LTBP1: variants seen among roughly 807,000 people sequenced by gnomAD.
LTBP1 encodes the protein latent transforming growth factor beta binding protein 1.
Under a neutral mutation model 207.6 loss-of-function variants are expected in LTBP1, and 129 were observed. The ratio of observed to expected loss-of-function variants is 0.62; its 90% CI spans 0.54 to 0.72. The LOEUF is 0.72. Ranked by LOEUF, LTBP1 falls within the 30% of genes least tolerant of loss-of-function variation. The pLI, the probability that LTBP1 is intolerant of heterozygous loss-of-function variation, is 0.00. For missense variants in LTBP1, 2,281 were observed against 2,217.2 expected, an observed-to-expected ratio of 1.03 and a Z score of -0.58; for synonymous variants, 963 against 833.7, an observed-to-expected ratio of 1.16 and a Z score of -2.67.
intron 3 of LTBP1, among the ~76,000 whole-genome samples, chr2:33,036,868 T>C (rs1437952106): frequency 6.6e-6 from 1 of 152,194 alleles, no homozygotes; most frequent in East Asian, 1.9e-4. Context: ...TAGGTGTTGT[T>C]TCATGAAACT....
chr2:33,316,830 C>G (rs1559000682), intron 24 of LTBP1, among the ~76,000 whole-genome samples: 1 of 152,140 alleles, frequency 6.6e-6, no homozygotes, highest in Non-Finnish European at 1.5e-5. Flanking sequence ...ACTGAGGAAA[C>G]AGATTTGCAG....
chr2:33,256,844 A>T (rs1384370812), intron 11 of LTBP1, among the ~76,000 whole-genome samples: 1 of 140,510 alleles, frequency 7.1e-6, no homozygotes, highest in Non-Finnish European at 1.5e-5. Flanking sequence ...GAATCTGTGG[A>T]TGCAGAACTG....
At chr2:33,254,343 G>T (rs2092767862) in intron 11 of LTBP1, among the ~76,000 whole-genome samples, 1 of 151,868 alleles carries the variant, frequency 6.6e-6, no homozygotes, top group Admixed American at 6.6e-5. Flanking sequence ...TTTAAGTTCA[G>T]GGGTAAAAGT....
chr2:33,030,821 TTGAA>T (rs1262358024), intron 3 of LTBP1, among the ~76,000 whole-genome samples: 1 of 152,188 alleles, frequency 6.6e-6, no homozygotes, highest in African/African-American at 2.4e-5. Context: ...CTTAGTGGCT[TTGAA>T]TGGTCTTATG....
intron 20 of LTBP1, among the ~76,000 whole-genome samples, chr2:33,298,860 T>G (rs529922032): frequency 5.3e-4 from 80 of 152,230 alleles, no homozygotes; most frequent in Non-Finnish European, 6.6e-4. Context: ...TACTTTGAGC[T>G]ATTTCAGGAA....
chr2:33,315,381 C>T, intron 24 of LTBP1, 112 bp downstream of exon 24: 1 of 1,350,088 alleles, frequency 7.4e-7, no homozygotes, highest in South Asian at 1.3e-5. Flanking sequence ...TTCAGAGCCT[C>T]AAAGCATGTA....
chr2:33,124,602 A>G (rs547178380), intron 4 of LTBP1, among the ~76,000 whole-genome samples: 7 of 152,300 alleles, frequency 4.6e-5, no homozygotes, highest in African/African-American at 1.7e-4. Context: ...TATGATCTGA[A>G]AGCAAACATC....
intron 20 of LTBP1, among the ~76,000 whole-genome samples, chr2:33,295,178 A>G (rs1300123311): frequency 6.6e-6 from 1 of 151,908 alleles, no homozygotes; most frequent in Admixed American, 6.6e-5. Context: ...CATTAATATC[A>G]TTTCTCATTT....
intron 3 of LTBP1, among the ~76,000 whole-genome samples, chr2:33,059,889 T>C (rs1646060316): frequency 6.6e-6 from 1 of 152,230 alleles, no homozygotes; most frequent in Non-Finnish European, 1.5e-5. Flanking sequence ...TTCTAGACTT[T>C]AGATACATCT....
At chr2:33,021,236 G>T in intron 3 of LTBP1, 30 bp downstream of exon 3, 1 of 1,545,648 alleles carries the variant, frequency 6.5e-7, no homozygotes, top group Non-Finnish European at 8.8e-7. Context: ...ATTTAGCTAA[G>T]GATCATCTTA....
intron 3 of LTBP1, among the ~76,000 whole-genome samples, chr2:33,101,093 T>A (rs1237439565): frequency 6.6e-6 from 1 of 152,188 alleles, no homozygotes; most frequent in East Asian, 1.9e-4. Context: ...TAATAGCTTT[T>A]TGAAGAGCTG....
In LTBP1 at chr2:33,309,470, A is replaced by G. The variant is rs1187842661; in HGVS notation, c.3518A>G (p.Gln1173Arg). ...NECLEDKSVCQRGDCINTAGS... is the reference protein window; with the variant it reads ...NECLEDKSVCRRGDCINTAGS... ...TGCTTGGAGGACAAGAGTGTTTGCC[A>G]GAGAGGAGACTGCATTAATACTGCA... The change falls in exon 23 of 34, where the codon CAG becomes CGG. Residue 1173 changes from glutamine to arginine, a missense_variant. By Grantham distance (43) the Gln-to-Arg change is conservative (BLOSUM62 1). Around this residue, in one of 3 missense-constraint regions of LTBP1, gnomAD observed 1,671 missense variants for 1,634.8 expected, o/e 1.02. Coordinates refer to ENST00000404816, the MANE Select transcript of LTBP1 (RefSeq NM_206943.4). The G allele has an allele frequency of 1.2e-6, 2 of 1,610,034 alleles. No homozygotes were observed.
intron 5 of LTBP1, among the ~76,000 whole-genome samples, chr2:33,135,784 G>T (rs573810932): frequency 4.6e-5 from 7 of 152,198 alleles, no homozygotes; most frequent in Non-Finnish European, 8.8e-5. Flanking sequence ...TTTTGTCGCA[G>T]AAAAATGTCT....
At chr2:33,272,051 A>G (rs1573543275) in intron 15 of LTBP1, among the ~76,000 whole-genome samples, 1 of 152,232 alleles carries the variant, frequency 6.6e-6, no homozygotes, top group African/African-American at 2.4e-5. Flanking sequence ...CATTTCTCAT[A>G]CATCCAGGTG....
At chr2:33,095,513 A>T (rs1005152199) in intron 3 of LTBP1, among the ~76,000 whole-genome samples, 2 of 151,988 alleles carry the variant, frequency 1.3e-5, no homozygotes, top group African/African-American at 2.4e-5. Context: ...AGAGTAAGAT[A>T]GAGAGTCTCC....
At chr2:33,338,351 T>C (rs1235842716) in intron 24 of LTBP1, among the ~76,000 whole-genome samples, 2 of 152,138 alleles carry the variant, frequency 1.3e-5, no homozygotes, top group Non-Finnish European at 2.9e-5. Flanking sequence ...TAACGAGAAA[T>C]CATCATCTGC....
intron 5 of LTBP1, among the ~76,000 whole-genome samples, chr2:33,174,611 C>T (rs2085819240): frequency 6.6e-6 from 1 of 152,072 alleles, no homozygotes; most frequent in African/African-American, 2.4e-5. Flanking sequence ...AATGCCATCC[C>T]CATCAAGCTA....
intron 20 of LTBP1, among the ~76,000 whole-genome samples, chr2:33,295,324 C>T (rs181951487): frequency 4.6e-5 from 7 of 152,074 alleles, no homozygotes; most frequent in African/African-American, 1.7e-4. Context: ...GTCAGGAGTT[C>T]GAGACCAGCT....
At chr2:33,073,287 T>TG (rs1491323701) in intron 3 of LTBP1, among the ~76,000 whole-genome samples, 173 of 9,544 alleles carry the variant, frequency 0.018, 1 homozygote, top group African/African-American at 0.019. Context: ...GTTTTTTTTG[T>TG]TTTTGTTTTT....
Sources: gnomAD v4.1 joint callset for allele counts (sites outside exome capture counted in the v4.1 genomes callset) on GRCh38, gnomAD v4.1.1 for gene constraint, gnomAD v4.1.1 regional missense constraint, MANE v1.5 for transcripts, NCBI Gene and HGNC (gene_info 2026-07-23, HGNC 2026-07-21) for gene names.